Variants in DOP1B observed in about 807,000 individuals in gnomAD.
The protein encoded by DOP1B is DOP1 leucine zipper like protein B, also known as protein DOP1B.
In DOP1B, 174 loss-of-function variants were observed where a neutral mutation model predicts 233.5. That is an observed-to-expected ratio of 0.75 (90% CI 0.66 to 0.85). The LOEUF (loss-of-function observed/expected upper bound fraction) is 0.85. Ranked by LOEUF, DOP1B falls within the 40% of genes least tolerant of loss-of-function variation. DOP1B has a pLI of 0.00. For synonymous variants in DOP1B, 1,190 were observed against 1,185.6 expected, an observed-to-expected ratio of 1.00 and a Z score of -0.08; for missense variants, 2,652 against 2,846.6, an observed-to-expected ratio of 0.93 and a Z score of 1.56.
chr21:36,225,521 A>C (rs368081231), intron 11 of DOP1B, 44 bp from the exon 12 acceptor site: 1 of 1,609,682 alleles, frequency 6.2e-7, no homozygotes, highest in Non-Finnish European at 8.5e-7. Flanking sequence ...GTGAGCCTCC[A>C]TGCCTGGCCA....
chr21:36,218,140 T>G (rs1444998218), intron 9 of DOP1B, among the ~76,000 whole-genome samples: 1 of 152,230 alleles, frequency 6.6e-6, no homozygotes, highest in East Asian at 1.9e-4. Context: ...TGGCTGGGCT[T>G]TAGCCATACC....
At chr21:36,272,249 A>G (rs989311613) in intron 27 of DOP1B, among the ~76,000 whole-genome samples, 6 of 152,178 alleles carry the variant, frequency 3.9e-5, no homozygotes, top group African/African-American at 1.4e-4. Context: ...GCACTTTGGG[A>G]GGCCAAGGTG....
rs773537758 is a variant in DOP1B, at chr21:36,245,330, C to T, written c.3350C>T (p.Ser1117Phe). 18 of 1,614,018 alleles carry T rather than the reference C, an allele frequency of 1.1e-5. No individual in the cohort carries two copies. In the South Asian group the frequency reaches 1.9e-4, roughly 17 times the overall value. Residue 1117 changes from serine (S) to phenylalanine (F), a missense_variant, in exon 19 of 37, where the codon TCC (serine) becomes TTC (phenylalanine). This residue lies in a region of DOP1B where 2,617 missense variants were observed against 2,794.3 expected (regional missense o/e 0.94). Transcript: ENST00000691173. This position sits in a 1 kb window ranked among gnomAD's most constrained non-coding sequence, Gnocchi z 5.5. ...CACACCGAGTCTGCAGATACAAGCTCCTGCCACACGGACAGCGAGAACACG... is the reference window on the plus strand; with the variant it reads ...CACACCGAGTCTGCAGATACAAGCTTCTGCCACACGGACAGCGAGAACACG... Reference protein sequence around the residue: ...SEHTESADTSSCHTDSENTSS... With the variant: ...SEHTESADTSFCHTDSENTSS...
At chr21:36,227,924 T>C (rs753641689) in intron 13 of DOP1B, 47 bp downstream of exon 13, 2 of 1,490,126 alleles carry the variant, frequency 1.3e-6, no homozygotes, top group Non-Finnish European at 1.8e-6. Context: ...TAAAAGCAGC[T>C]TATGCCTTCC....
intron 23 of DOP1B, among the ~76,000 whole-genome samples, chr21:36,257,914 T>C (rs886881402): frequency 2.0e-5 from 3 of 146,952 alleles, no homozygotes; most frequent in African/African-American, 8.0e-5. Context: ...GGTAGGTAGA[T>C]AGATGTAGGT....
chr21:36,191,784 C>CAA (rs35895174), intron 2 of DOP1B, among the ~76,000 whole-genome samples: 4 of 133,794 alleles, frequency 3.0e-5, no homozygotes, highest in East Asian at 2.2e-4. Context: ...GACTCTGTCT[C>CAA]AAAAAAAAAA....
At chr21:36,180,609 A>C (rs962873700) in intron 2 of DOP1B, among the ~76,000 whole-genome samples, 1 of 145,290 alleles carries the variant, frequency 6.9e-6, no homozygotes, top group African/African-American at 2.6e-5. Context: ...GGCTGGGCAC[A>C]GTGGCTCATG....
chr21:36,289,456 T>C (rs2067531840), intron 35 of DOP1B, among the ~76,000 whole-genome samples: 1 of 150,782 alleles, frequency 6.6e-6, no homozygotes, highest in Admixed American at 6.7e-5. Context: ...TGTGTGTGTG[T>C]GTGTGTGTGT....
In DOP1B at chr21:36,294,144, A is replaced by G. The variant is rs2146264751; in HGVS notation, c.*573A>G. The stretch of plus-strand genomic sequence containing the variant: ...CTAACAGTAGCACAAAATTTGTAAT[A>G]TGAAGTAAAGTATGAAGATAATGAA... On this transcript the variant is annotated 3_prime_UTR_variant, in exon 37 of 37. Transcript: ENST00000691173. The G allele has an allele frequency of 6.5e-6, 1 of 153,490 alleles. No homozygotes were observed. Among genetic ancestry groups the G allele is most frequent in the Non-Finnish European group, 1.5e-5 (1 of 68,578 alleles). 9.5% of individuals were successfully genotyped at this position (153,490 alleles called of 1,614,324 possible). A position where few individuals can be genotyped will look rare whatever the true frequency, so the allele number is the denominator to read the frequency against.
chr21:36,265,530 T>C (rs957134297), intron 26 of DOP1B, among the ~76,000 whole-genome samples: 1 of 152,228 alleles, frequency 6.6e-6, no homozygotes, highest in East Asian at 1.9e-4. Flanking sequence ...GGTGCTGGGA[T>C]AGCACTTGCT....
intron 3 of DOP1B, among the ~76,000 whole-genome samples, chr21:36,199,898 C>T (rs767152402): frequency 1.3e-5 from 2 of 152,096 alleles, no homozygotes; most frequent in Admixed American, 6.6e-5. Flanking sequence ...AATAAATATA[C>T]GTGTGGATGT....
intron 2 of DOP1B, among the ~76,000 whole-genome samples, chr21:36,180,542 C>A (rs184419085): frequency 6.6e-6 from 1 of 150,800 alleles, no homozygotes; most frequent in East Asian, 2.0e-4. Flanking sequence ...GGGCAATAGA[C>A]GGCGCTCCAG....
rs756020652 is a variant in DOP1B at position 36,199,098 on chromosome 21, T to C, written c.167T>C (p.Leu56Ser). The C allele has an allele frequency of 5.6e-6, 9 of 1,613,764 alleles. No homozygotes were observed. The highest frequency in any genetic ancestry group is 6.8e-6 in the Non-Finnish European group (8 of 1,179,946). The change falls in exon 3 of 37, where the codon TTG becomes TCG. Residue 56 changes from leucine to serine, a missense_variant. By Grantham distance (145) the Leu-to-Ser change is moderately radical (BLOSUM62 -2). This residue lies in a region of DOP1B where 2,617 missense variants were observed against 2,794.3 expected (regional missense o/e 0.94). Coordinates refer to ENST00000691173, the MANE Select transcript of DOP1B (RefSeq NM_001320714.2). ...CTTCAGAGTAACCTGAGGTACTCCT[T>C]GTTGCCAAGACGGCTCCTCATCAGC... ...KALQSNLRYS[L>S]LPRRLLISKR...
intron 2 of DOP1B, among the ~76,000 whole-genome samples, chr21:36,192,279 G>A (rs2066242097): frequency 1.3e-5 from 2 of 151,682 alleles, no homozygotes; most frequent in African/African-American, 4.8e-5. Flanking sequence ...GAATTGCCTG[G>A]GCTTGGGAGA....
At position 36,248,531 on chromosome 21, in the gene DOP1B, C is replaced by G. The variant is rs944282928; in HGVS notation, c.4961C>G (p.Thr1654Arg). ...AGACCTGTCGATCTCCTAGGGGCCA[C>G]GAAGGGATCCTCTTCCGTTTACTTT... Reference protein sequence around the residue: ...QKRPVDLLGATKGSSSVYFKT... With the variant: ...QKRPVDLLGARKGSSSVYFKT... Residue 1654 changes from threonine to arginine, a missense_variant, in exon 21 of 37, where the codon ACG becomes AGG. Thr to Arg is a moderately conservative substitution (Grantham distance 71). Transcript: ENST00000691173. The G allele has an allele frequency of 5.5e-5, 88 of 1,611,804 alleles. No homozygotes were observed. The highest frequency in any genetic ancestry group is 7.5e-5 in the Non-Finnish European group (88 of 1,179,376).
At chr21:36,202,831 G>A (rs762523936) in intron 4 of DOP1B, among the ~76,000 whole-genome samples, 28 of 152,132 alleles carry the variant, frequency 1.8e-4, no homozygotes, top group Non-Finnish European at 3.4e-4. Context: ...TTGAGTTAAC[G>A]AGTGGTCCAG....
chr21:36,285,939 C>T (rs988776634), intron 32 of DOP1B, among the ~76,000 whole-genome samples: 2 of 151,422 alleles, frequency 1.3e-5, no homozygotes, highest in Non-Finnish European at 2.9e-5. Context: ...ACCCTGGAGG[C>T]GGAGGTTGCA....
chr21:36,211,878 A>C, intron 6 of DOP1B, 96 bp from the exon 7 acceptor site: 2 of 1,557,466 alleles, frequency 1.3e-6, no homozygotes, highest in Non-Finnish European at 1.8e-6. Flanking sequence ...ATTTTGAGAT[A>C]GAGCTTTGCA....
chr21:36,200,838 C>T (rs2066356085), intron 4 of DOP1B, among the ~76,000 whole-genome samples: 1 of 143,220 alleles, frequency 7.0e-6, no homozygotes, highest in Non-Finnish European at 1.5e-5. Context: ...GACTCTGTCT[C>T]GAAAAAAAAA....
Sources: gnomAD v4.1 joint callset for allele counts (sites outside exome capture counted in the v4.1 genomes callset) on GRCh38, gnomAD v4.1.1 for gene constraint, gnomAD v4.1.1 regional missense constraint, Gnocchi (gnomAD v3.1) non-coding constraint, MANE v1.5 for transcripts, NCBI Gene and HGNC (gene_info 2026-07-23, HGNC 2026-07-21) for gene names.